The following CDK6 variants were observed in gnomAD, a reference collection of about 807,000 sequenced individuals.
CDK6 encodes the protein cyclin dependent kinase 6.
CDK6 carries 6 observed loss-of-function variants against 37.1 expected under a neutral mutation model. That is an observed-to-expected ratio of 0.16 (90% CI 0.09 to 0.32). CDK6 has a LOEUF of 0.32. Among genes scored for constraint, CDK6 ranks in the 10% least tolerant of loss-of-function variants. The probability of loss-of-function intolerance (pLI) is 1.00; values close to 1 mark genes in which losing one functional copy is unlikely to be tolerated. For missense variants in CDK6, 224 were observed against 418.9 expected, an observed-to-expected ratio of 0.53 and a Z score of 4.06; for synonymous variants, 160 against 161.3, an observed-to-expected ratio of 0.99 and a Z score of 0.06.
At chr7:92,726,329 C>T (rs1798511797) in intron 3 of CDK6, among the ~76,000 whole-genome samples, 1 of 152,134 alleles carries the variant, frequency 6.6e-6, no homozygotes, top group African/African-American at 2.4e-5. Context: ...AATATCATTA[C>T]ACCATTTTAC....
intron 2 of CDK6, among the ~76,000 whole-genome samples, chr7:92,805,893 A>G (rs1800713100): frequency 6.6e-6 from 1 of 152,190 alleles, no homozygotes. Flanking sequence ...TGATTTTAAA[A>G]TGTTATTTAA....
chr7:92,717,526 AAAAG>A (rs370597198), intron 4 of CDK6, among the ~76,000 whole-genome samples: 331 of 152,222 alleles, frequency 2.2e-3, no homozygotes, highest in African/African-American at 6.8e-3. Flanking sequence ...AAAGAAAAGA[AAAAG>A]AAAGAAAGAA....
chr7:92,771,597 T>C (rs1463285193), intron 3 of CDK6, among the ~76,000 whole-genome samples: 1 of 152,228 alleles, frequency 6.6e-6, no homozygotes, highest in Non-Finnish European at 1.5e-5. Flanking sequence ...GGCTTGTGTT[T>C]GCATTTTATC....
At chr7:92,725,880 T>C in intron 3 of CDK6, 87 bp from the exon 4 acceptor site, 2 of 1,228,240 alleles carry the variant, frequency 1.6e-6, no homozygotes, top group Non-Finnish European at 1.2e-6. Flanking sequence ...CTTAGCATTT[T>C]GTGGCTGCTT....
Position 92,610,114 on chromosome 7 carries a change from AAAC to A in CDK6, c.*5023_*5025del, listed in dbSNP as rs1795530445. 4.3e-6 allele frequency: 1 copy of A among 230,796 alleles called. No homozygotes were observed. Among genetic ancestry groups the A allele is most frequent in the African/African-American group, 2.2e-5 (1 of 45,246 alleles). 14.3% of individuals were successfully genotyped at this position (230,796 alleles called of 1,614,324 possible). On this transcript the variant is annotated 3_prime_UTR_variant, in exon 8 of 8. Transcript: ENST00000424848. Reference sequence around the variant, plus strand: ...CCACCTTGTGGAATATACCGGAATAAAACAAGAAAGCTCATCTCTTAGGACAGT... The same window carrying A: ...CCACCTTGTGGAATATACCGGAATAAAAGAAAGCTCATCTCTTAGGACAGT...
chr7:92,687,929 C>T (rs1459879384), intron 4 of CDK6, among the ~76,000 whole-genome samples: 7 of 152,152 alleles, frequency 4.6e-5, no homozygotes, highest in African/African-American at 1.7e-4. Flanking sequence ...TATGTAAAAA[C>T]TGTGTATGCT....
At chr7:92,618,613 C>T (rs1029525786) in intron 6 of CDK6, among the ~76,000 whole-genome samples, 5 of 152,112 alleles carry the variant, frequency 3.3e-5, no homozygotes, top group Admixed American at 1.3e-4. Flanking sequence ...GTGTTTTGAT[C>T]GAACACCCCA....
At chr7:92,769,960 A>G (rs1799670359) in intron 3 of CDK6, among the ~76,000 whole-genome samples, 1 of 152,204 alleles carries the variant, frequency 6.6e-6, no homozygotes, top group African/African-American at 2.4e-5. Context: ...AAAAAATAAC[A>G]CAATCATTAA....
chr7:92,675,407 C>T (rs990160067), intron 4 of CDK6, among the ~76,000 whole-genome samples: 18 of 152,006 alleles, frequency 1.2e-4, no homozygotes, highest in African/African-American at 3.9e-4. Context: ...TTATTAATGA[C>T]GTATTAGTTA....
At chr7:92,735,711 G>C (rs1006347977) in intron 3 of CDK6, among the ~76,000 whole-genome samples, 1 of 152,174 alleles carries the variant, frequency 6.6e-6, no homozygotes, top group African/African-American at 2.4e-5. Flanking sequence ...TTGATTGGAT[G>C]AATCACCCAA....
rs1206996309 is a variant in CDK6 at position 92,610,176 on chromosome 7, C to T, written c.*4964G>A. 6 of 231,780 alleles carry T rather than the reference C, an allele frequency of 2.6e-5. No individual in the cohort carries two copies. Among genetic ancestry groups the T allele is most frequent in the Non-Finnish European group, 5.1e-5 (6 of 117,260 alleles). 14.4% of individuals were successfully genotyped at this position (231,780 alleles called of 1,614,324 possible). A position where few individuals can be genotyped will look rare whatever the true frequency, so the allele number is the denominator to read the frequency against. ...TTAGAAAGACTTTTGCAAGAAAAGT[C>T]ACCTTCCTTTCCTACCACATCAACT... On this transcript the variant is annotated 3_prime_UTR_variant, in exon 8 of 8. Coordinates refer to ENST00000424848, the MANE Select transcript of CDK6 (RefSeq NM_001145306.2).
intron 2 of CDK6, among the ~76,000 whole-genome samples, chr7:92,798,265 G>A (rs1800467444): frequency 6.6e-6 from 1 of 152,084 alleles, no homozygotes; most frequent in African/African-American, 2.4e-5. Flanking sequence ...CTAGGCAAAT[G>A]GCATGCAACT....
intron 5 of CDK6, among the ~76,000 whole-genome samples, chr7:92,658,990 A>G (rs746521088): frequency 1.1e-4 from 17 of 152,214 alleles, no homozygotes; most frequent in Non-Finnish European, 2.9e-5. Flanking sequence ...ATTCAGGAGA[A>G]GAAGGCCAGG....
chr7:92,777,234 G>GTTTTTTGT (rs1554412550), intron 2 of CDK6, among the ~76,000 whole-genome samples: 52 of 150,238 alleles, frequency 3.5e-4, no homozygotes, highest in African/African-American at 1.1e-3. Context: ...ATTCTTTCTT[G>GTTTTTTGT]TTTTTTTTTC....
chr7:92,720,396 T>C (rs1798338068), intron 4 of CDK6, among the ~76,000 whole-genome samples: 2 of 152,274 alleles, frequency 1.3e-5, no homozygotes, highest in South Asian at 4.1e-4. Context: ...CCATTTACAA[T>C]CTATTTGGTA....
intron 5 of CDK6, among the ~76,000 whole-genome samples, chr7:92,624,113 G>A (rs1226403496): frequency 6.6e-6 from 1 of 151,960 alleles, no homozygotes; most frequent in African/African-American, 2.4e-5. Context: ...GCATTTCAGT[G>A]GTTAGAACAC....
At chr7:92,686,767 TCAC>T (rs923745889) in intron 4 of CDK6, among the ~76,000 whole-genome samples, 4 of 152,196 alleles carry the variant, frequency 2.6e-5, no homozygotes, top group Non-Finnish European at 5.9e-5. Flanking sequence ...TGTTCCCTTT[TCAC>T]CACACCTGTG....
intron 5 of CDK6, among the ~76,000 whole-genome samples, chr7:92,654,715 A>G (rs1562925987): frequency 6.6e-6 from 1 of 152,186 alleles, no homozygotes; most frequent in Non-Finnish European, 1.5e-5. Flanking sequence ...CAGGAAAGGT[A>G]GTGGGAAGAG....
At position 92,609,677 on chromosome 7, in the gene CDK6, T is replaced by C; in HGVS notation, c.*5463A>G. On this transcript the variant is annotated 3_prime_UTR_variant, in exon 8 of 8. Transcript: ENST00000424848. Reference sequence around the variant, plus strand: ...GAATTTGAAAGCAGCAGAGAGGGTATGTGTGTTTTAACTGGGGCCACTAAA... The same window carrying C: ...GAATTTGAAAGCAGCAGAGAGGGTACGTGTGTTTTAACTGGGGCCACTAAA... 1 of 231,442 alleles carries C rather than the reference T, an allele frequency of 4.3e-6. No homozygotes were observed. The highest frequency in any genetic ancestry group is 8.5e-6 in the Non-Finnish European group (1 of 116,972). 14.3% of individuals were successfully genotyped at this position (231,442 alleles called of 1,614,324 possible).
Sources: gnomAD v4.1 joint callset for allele counts (sites outside exome capture counted in the v4.1 genomes callset) on GRCh38, gnomAD v4.1.1 for gene constraint, MANE v1.5 for transcripts, NCBI Gene and HGNC (gene_info 2026-07-23, HGNC 2026-07-21) for gene names.